Variants in UCHL5 observed in about 807,000 individuals in gnomAD.
UCHL5 encodes the protein ubiquitin carboxyl-terminal hydrolase isozyme L5.
Under a neutral mutation model 53.8 loss-of-function variants are expected in UCHL5, and 34 were observed. The observed-to-expected ratio is 0.63, with a 90% CI of 0.48 to 0.84. The LOEUF (loss-of-function observed/expected upper bound fraction) is 0.84, where lower values mean the gene tolerates loss of function less well. Ranked by LOEUF, UCHL5 falls within the 40% of genes least tolerant of loss-of-function variation. The probability of loss-of-function intolerance (pLI) is 0.00; values close to 1 mark genes in which losing one functional copy is unlikely to be tolerated. For missense variants in UCHL5, 290 were observed against 385.6 expected, an observed-to-expected ratio of 0.75 and a Z score of 2.08; for synonymous variants, 111 against 126.3, an observed-to-expected ratio of 0.88 and a Z score of 0.81.
At chr1:193,051,965 T>G (rs766740167) in intron 1 of UCHL5, 148 bp from the exon 2 acceptor site, 4 of 569,474 alleles carry the variant, frequency 7.0e-6, no homozygotes, top group Non-Finnish European at 1.3e-5. Flanking sequence ...CATTACTCTC[T>G]TTAATATATC....
chr1:193,020,751 T>C (rs1386378281), intron 10 of UCHL5, among the ~76,000 whole-genome samples: 1 of 151,916 alleles, frequency 6.6e-6, no homozygotes, highest in Admixed American at 6.6e-5. Context: ...TTCTGTTATA[T>C]CAACTCAAAT....
intron 8 of UCHL5, among the ~76,000 whole-genome samples, chr1:193,023,592 A>G (rs1039792051): frequency 6.6e-6 from 1 of 152,188 alleles, no homozygotes; most frequent in African/African-American, 2.4e-5. Context: ...TTTACTCCTC[A>G]TGACAATATT....
rs779134877 is a variant in UCHL5 at position 193,059,340 on chromosome 1, A to G, written c.-80T>C. On this transcript the variant is annotated 5_prime_UTR_variant, in exon 1 of 11. Transcript: ENST00000367454. The surrounding 1 kb of genome is among the most constrained non-coding windows in gnomAD (Gnocchi z 4.9). Reference sequence around the variant, plus strand: ...CCAGCTGCCGCCGGCCACAGATCTCAGCAAACCCGCCGCCGAGCTCGTCAA... The same window carrying G: ...CCAGCTGCCGCCGGCCACAGATCTCGGCAAACCCGCCGCCGAGCTCGTCAA... 4 of 1,605,842 alleles carry G rather than the reference A, an allele frequency of 2.5e-6. No homozygotes were observed. The highest frequency in any genetic ancestry group is 2.7e-5 in the African/African-American group (2 of 74,728).
intron 3 of UCHL5, among the ~76,000 whole-genome samples, chr1:193,044,544 G>GAC (rs142539874): frequency 3.3e-5 from 5 of 151,304 alleles, no homozygotes; most frequent in Admixed American, 6.6e-5. Context: ...ATGATACACA[G>GAC]ACACACACAC....
At chr1:193,058,870 A>T (rs1036695823) in intron 1 of UCHL5, among the ~76,000 whole-genome samples, 1 of 152,240 alleles carries the variant, frequency 6.6e-6, no homozygotes, top group Non-Finnish European at 1.5e-5. Context: ...GCAAAGGGCA[A>T]TACGTGCTTA....
rs1429578977 is a variant in UCHL5, at chr1:193,041,387, T to G, written c.246+8359A>C. Among the ~76,000 whole-genome samples, 5 of 152,140 alleles carry G rather than the reference T, an allele frequency of 3.3e-5. No individual in the cohort carries two copies. In the East Asian group the frequency reaches 9.6e-4, roughly 29 times the overall value. The stretch of plus-strand genomic sequence containing the variant: ...TAAGCACATGAAGGGCATTTCAACA[T>G]GATTAGTGATCAGGGAGACATAAGC... On this transcript the variant is annotated intron_variant, in intron 3 of 10. Transcript: ENST00000367454.
chr1:193,048,515 T>C (rs1558149337), intron 3 of UCHL5, among the ~76,000 whole-genome samples: 3 of 152,186 alleles, frequency 2.0e-5, no homozygotes, highest in Non-Finnish European at 2.9e-5. Flanking sequence ...CATAACAAAG[T>C]ACAAATTTTA....
intron 9 of UCHL5, among the ~76,000 whole-genome samples, chr1:193,022,548 C>T (rs1317656771): frequency 6.6e-6 from 1 of 151,848 alleles, no homozygotes; most frequent in African/African-American, 2.4e-5. Flanking sequence ...CACCTGTAAT[C>T]CCAGCTACTT....
intron 7 of UCHL5, among the ~76,000 whole-genome samples, chr1:193,026,673 G>GA (rs747839160): frequency 6.6e-6 from 1 of 150,796 alleles, no homozygotes; most frequent in Non-Finnish European, 1.5e-5. Context: ...AGTCACTCTG[G>GA]AAAAGAGTTT....
At position 193,018,463 on chromosome 1, in the gene UCHL5, CAAG is replaced by C. The variant is rs955142158; in HGVS notation, c.943-2071_943-2069del. 12 of 867,614 alleles carry C rather than the reference CAAG, an allele frequency of 1.4e-5. No individual in the cohort carries two copies. In the African/African-American group the frequency reaches 1.8e-4, roughly 13 times the overall value. 53.7% of individuals were successfully genotyped at this position (867,614 alleles called of 1,614,324 possible). ...TAAGAAAGAGATTTGGTACATAATA[CAAG>C]AAGTTTTATAACTATATATTTTTGG... On this transcript the variant is annotated intron_variant, in intron 10 of 10. Coordinates refer to ENST00000367454, the MANE Select transcript of UCHL5 (RefSeq NM_001199261.3).
Position 193,016,325 on chromosome 1 carries a change from A to G in UCHL5, c.*26T>C. On this transcript the variant is annotated 3_prime_UTR_variant, in exon 11 of 11. Coordinates refer to ENST00000367454, the MANE Select transcript of UCHL5 (RefSeq NM_001199261.3). ...TCCATGAAAATATGTGCAGAAGCAGAAATGTGTACATATCTGAAAACATCT... is the reference window on the plus strand; with the variant it reads ...TCCATGAAAATATGTGCAGAAGCAGGAATGTGTACATATCTGAAAACATCT... 6.3e-7 allele frequency: 1 copy of G among 1,596,962 alleles called. No individual in the cohort carries two copies. The highest frequency in any genetic ancestry group is 8.5e-7 in the Non-Finnish European group (1 of 1,175,110).
At chr1:193,019,141 T>C (rs1655969437) in intron 10 of UCHL5, among the ~76,000 whole-genome samples, 1 of 151,610 alleles carries the variant, frequency 6.6e-6, no homozygotes, top group South Asian at 2.1e-4. Flanking sequence ...TAAAACTTTA[T>C]GGATGTGAAA....
Position 193,036,412 on chromosome 1 carries a change from A to C in UCHL5, c.247-6755T>G, listed in dbSNP as rs530124857. ...CAAAGACTATAAAAACAGACAGAGA[A>C]GGTCACTACATAATGATAAAGGGGT... On this transcript the variant is annotated intron_variant, in intron 3 of 10. Coordinates refer to ENST00000367454, the MANE Select transcript of UCHL5 (RefSeq NM_001199261.3). Among the ~76,000 whole-genome samples the C allele has an allele frequency of 5.9e-4, 89 of 151,926 alleles. 2 individuals carry two copies. The highest frequency in any genetic ancestry group is 3.4e-3 in the Middle Eastern group (1 of 294).
chr1:193,029,216 A>C lies in UCHL5; in HGVS notation c.528T>G (p.Tyr176Ter). 1 of 1,613,768 alleles carries C rather than the reference A, an allele frequency of 6.2e-7. No individual in the cohort carries two copies. ...VSYVPVNGRL[Y>*]ELDGLREGPI... is the part of the protein sequence containing the mutation. ...GTCCTTCTCTTAATCCATCTAATTCATACAGTCTCCCATTAACAGGAACAT... is the reference window on the plus strand; with the variant it reads ...GTCCTTCTCTTAATCCATCTAATTCCTACAGTCTCCCATTAACAGGAACAT... Residue 176 changes from tyrosine to a stop codon, truncating the protein, a stop_gained, in exon 6 of 11, where the codon TAT becomes TAG. Coordinates refer to ENST00000367454, the MANE Select transcript of UCHL5 (RefSeq NM_001199261.3). LOFTEE classifies it high-confidence loss of function.
In UCHL5 at chr1:193,021,127, T is replaced by C; in HGVS notation, c.912A>G (p.Glu304=). The C allele has an allele frequency of 1.2e-6, 2 of 1,610,084 alleles. No homozygotes were observed. Among genetic ancestry groups the C allele is most frequent in the Non-Finnish European group, 8.5e-7 (1 of 1,177,476 alleles). ...CTACTAGTGGTATTAACTGCTGGTG[T>C]TCTGCTAAAGTCTTTAACAATTCCA... is the stretch of plus-strand genomic sequence containing the variant. ...FIMELLKTLA[E]HQQLIPLVEK... Residue 304 remains glutamate (E), a synonymous_variant, in exon 10 of 11, where the codon GAA becomes GAG. Coordinates refer to ENST00000367454, the MANE Select transcript of UCHL5 (RefSeq NM_001199261.3).
In UCHL5 at chr1:193,013,055, T is replaced by C. The variant is rs1276804153; in HGVS notation, c.*3296A>G. The C allele has an allele frequency of 6.6e-6, 1 of 152,200 alleles. No individual in the cohort carries two copies. The allele number at this position is 152,200 out of a possible 1,614,324, so 9.4% of individuals were successfully genotyped here. On this transcript the variant is annotated 3_prime_UTR_variant, in exon 11 of 11. Transcript: ENST00000367454. ...AAAACGCAGTATCATTCTAAAAATA[T>C]AACTATCCAGTTTGTCTGTTTTAGG...
chr1:193,037,988 C>A (rs773370562), intron 3 of UCHL5, among the ~76,000 whole-genome samples: 6 of 150,292 alleles, frequency 4.0e-5, no homozygotes, highest in Non-Finnish European at 8.9e-5. Context: ...AAATGTGATA[C>A]CAAGAAAAAA....
intron 2 of UCHL5, among the ~76,000 whole-genome samples, chr1:193,050,732 T>C (rs1668754075): frequency 6.7e-6 from 1 of 150,308 alleles, no homozygotes; most frequent in Non-Finnish European, 1.5e-5. Flanking sequence ...GATGACAGAG[T>C]GAGACTGTTT....
chr1:193,053,217 G>A (rs1310719869), intron 1 of UCHL5, among the ~76,000 whole-genome samples: 3 of 152,124 alleles, frequency 2.0e-5, no homozygotes, highest in Non-Finnish European at 4.4e-5. Context: ...GTAAACCTAT[G>A]TTTCTATCAG....
Sources: gnomAD v4.1 joint callset for allele counts (sites outside exome capture counted in the v4.1 genomes callset) on GRCh38, gnomAD v4.1.1 for gene constraint, Gnocchi (gnomAD v3.1) non-coding constraint, MANE v1.5 for transcripts, NCBI Gene and HGNC (gene_info 2026-07-23, HGNC 2026-07-21) for gene names.